Variants in CCHCR1 observed in about 807,000 individuals in gnomAD.
The protein encoded by CCHCR1 is HCR (a-helix coiled-coil rod homologue).
A neutral mutation model predicts 114.6 loss-of-function variants in CCHCR1; 91 were observed. The observed-to-expected ratio is 0.79, with a 90% CI of 0.67 to 0.94. The LOEUF (loss-of-function observed/expected upper bound fraction) is 0.94, where lower values mean the gene tolerates loss of function less well. CCHCR1 is among the 40% of genes least tolerant of loss of function. The probability of loss-of-function intolerance (pLI) is 0.00; values close to 1 mark genes in which losing one functional copy is unlikely to be tolerated. For synonymous variants in CCHCR1, 379 were observed against 428.5 expected (o/e 0.88, Z 1.43); for missense variants, 899 against 1,079.9 (o/e 0.83, Z 2.35).
At position 31,154,686 on chromosome 6, in the gene CCHCR1, G is replaced by A. The variant is rs369082621; in HGVS notation, c.611C>T (p.Ser204Leu). The A allele has an allele frequency of 2.7e-5, 44 of 1,610,568 alleles. 1 individual carries two copies. The highest frequency in any genetic ancestry group is 1.8e-4 in the East Asian group (8 of 44,902). ...EEEVRLLRET[S>L]LQQKMRLEAQ... Reference sequence around the variant, plus strand: ...CTCTAGCCTCATCTTCTGCTGCAGCGAGGTCTCCCGCAGGAGCCGGACCTC... The same window carrying A: ...CTCTAGCCTCATCTTCTGCTGCAGCAAGGTCTCCCGCAGGAGCCGGACCTC... The change falls in exon 4 of 18, where the codon TCG (serine) becomes TTG (leucine). Residue 204 changes from serine (S) to leucine (L), a missense_variant. Transcript: ENST00000396268. The surrounding 1 kb of genome is among the most constrained non-coding windows in gnomAD (Gnocchi z 4.1).
chr6:31,153,072 G>A (rs1775479860), intron 4 of CCHCR1, among the ~76,000 whole-genome samples: 1 of 152,142 alleles, frequency 6.6e-6, no homozygotes, highest in Non-Finnish European at 1.5e-5. Flanking sequence ...CTGTCTCCCA[G>A]GTTCAAGCAA....
In CCHCR1 at chr6:31,154,920, G is replaced by A; in HGVS notation, c.498-121C>T. ...TCTGCTTCCGTGTGGGGAGGTGAAG[G>A]GGGTGCTGAAGCTGGGGTATGGGGA... On this transcript the variant is annotated intron_variant, in intron 3 of 17. Transcript: ENST00000396268. This position sits in a 1 kb window ranked among gnomAD's most constrained non-coding sequence, Gnocchi z 4.1. 1.1e-6 allele frequency: 1 copy of A among 905,382 alleles called. No individual in the cohort carries two copies. The allele number at this position is 905,382 out of a possible 1,614,324, so 56.1% of individuals were successfully genotyped here.
rs1442392954 is a variant in CCHCR1 at position 31,154,724 on chromosome 6, C to T, written c.573G>A (p.Arg191=). The change falls in exon 4 of 18, where the codon CGG becomes CGA. Residue 191 remains arginine (R), a synonymous_variant. Transcript: ENST00000396268. The surrounding 1 kb of genome is among the most constrained non-coding windows in gnomAD (Gnocchi z 4.1). ...GGAGCCGGACCTCCTCCTCCAGCCG[C>T]CGCAGCTCTTGCAGCTGCCGAACGA... ...EVIVRQLQEL[R]RLEEEVRLLR... 6.2e-7 allele frequency: 1 copy of T among 1,608,544 alleles called. No homozygotes were observed. Among genetic ancestry groups the T allele is most frequent in the Non-Finnish European group, 8.5e-7 (1 of 1,179,762 alleles).
intron 17 of CCHCR1, 58 bp downstream of exon 17, chr6:31,142,905 G>A (rs1383219827): frequency 1.3e-6 from 2 of 1,563,682 alleles, no homozygotes; most frequent in African/African-American, 1.4e-5. Context: ...AGAGTCTGAA[G>A]AGGAGATTCC....
In CCHCR1 at chr6:31,151,486, G is replaced by A. The variant is rs376292850; in HGVS notation, c.802-364C>T. Among the ~76,000 whole-genome samples, 10 of 152,212 alleles carry A rather than the reference G, an allele frequency of 6.6e-5. No individual in the cohort carries two copies. In the South Asian group the frequency reaches 1.0e-3, roughly 16 times the overall value. ...TCCACACCTGCAGGCCAGGGGACCC[G>A]GCCTCTGCCTACCTCCTGAGCTCAC... On this transcript the variant is annotated intron_variant, in intron 4 of 17. Transcript: ENST00000396268. The surrounding 1 kb of genome is among the most constrained non-coding windows in gnomAD (Gnocchi z 4.1).
rs141323493 is a variant in CCHCR1 at position 31,145,292 on chromosome 6, G to T, written c.1750C>A (p.Pro584Thr). 2.2e-5 allele frequency: 35 copies of T among 1,613,880 alleles called. No individual in the cohort carries two copies. Among genetic ancestry groups the T allele is most frequent in the Non-Finnish European group, 2.7e-5 (32 of 1,179,946 alleles). The change falls in exon 13 of 18, where the codon CCA becomes ACA. Residue 584 changes from proline to threonine, a missense_variant. By Grantham distance (38) the Pro-to-Thr change is conservative. Transcript: ENST00000396268. ...AGGCTCACGTCTGTGACCGGTGGTG[G>T]TAGGGGACAGCTGGGACGGGGAAGA... ...AQLRQESCPL[P>T]PPVTDVSLEL... is the part of the protein sequence containing the mutation.
rs545414414 is a variant in CCHCR1 at position 31,157,616 on chromosome 6, C to G, written c.-16G>C. ...GTGGCCACATGCAGGGCTAGACCCT[C>G]CCCAAGACCTTGGGAATCCAGGCCG... On this transcript the variant is annotated 5_prime_UTR_variant, in exon 1 of 18. Coordinates refer to ENST00000396268, the MANE Select transcript of CCHCR1 (RefSeq NM_001105564.2). 6 of 1,595,306 alleles carry G rather than the reference C, an allele frequency of 3.8e-6. No homozygotes were observed. In the Admixed American group the frequency reaches 7.0e-5, roughly 19 times the overall value.
In CCHCR1 at chr6:31,144,935, G is replaced by A. The variant is rs1270261429; in HGVS notation, c.2015C>T (p.Ala672Val). The A allele has an allele frequency of 1.2e-6, 2 of 1,612,588 alleles. No homozygotes were observed. Among genetic ancestry groups the A allele is most frequent in the East Asian group, 2.2e-5 (1 of 44,866 alleles). The change falls in exon 14 of 18, where the codon GCT becomes GTT. Residue 672 changes from alanine (A) to valine (V), a missense_variant. By Grantham distance (64) the Ala-to-Val change is moderately conservative. Coordinates refer to ENST00000396268, the MANE Select transcript of CCHCR1 (RefSeq NM_001105564.2). This position sits in a 1 kb window ranked among gnomAD's most constrained non-coding sequence, Gnocchi z 4.6. ...GGTCAGCTCCTGCCGCAGACTGGCA[G>A]CCTCCTCTGTGCTCTCCTGCTGGCC... is the stretch of plus-strand genomic sequence containing the variant. ...RQGQQESTEE[A>V]ASLRQELTQQ...
chr6:31,148,188 C>T (rs17197024), intron 10 of CCHCR1, among the ~76,000 whole-genome samples: 10,160 of 152,210 alleles, frequency 0.067, 492 homozygotes, highest in African/African-American at 0.14. Flanking sequence ...AAACATGCAA[C>T]GGGAAATTCA....
In CCHCR1 at chr6:31,144,648, T is replaced by C. The variant is rs2150997248; in HGVS notation, c.2167+39A>G. ...AATAACCTTATGTCTTAACACTTCCTTCTTCCTGGAAGGCCCTATCCACCC... is the reference window on the plus strand; with the variant it reads ...AATAACCTTATGTCTTAACACTTCCCTCTTCCTGGAAGGCCCTATCCACCC... On this transcript the variant is annotated intron_variant, in intron 15 of 17. Coordinates refer to ENST00000396268, the MANE Select transcript of CCHCR1 (RefSeq NM_001105564.2). The surrounding 1 kb of genome is among the most constrained non-coding windows in gnomAD (Gnocchi z 4.6). 7.6e-7 allele frequency: 1 copy of C among 1,315,554 alleles called. No individual in the cohort carries two copies. The highest frequency in any genetic ancestry group is 1.1e-6 in the Non-Finnish European group (1 of 924,526). 81.5% of individuals were successfully genotyped at this position (1,315,554 alleles called of 1,614,324 possible).
rs1340002610 is a variant in CCHCR1, at chr6:31,143,061, AG to A, written c.2392del (p.Leu798TrpfsTer22). The A allele has an allele frequency of 6.2e-7, 1 of 1,612,976 alleles. No homozygotes were observed. Among genetic ancestry groups the A allele is most frequent in the Admixed American group, 1.7e-5 (1 of 60,018 alleles). ...GGACACCACAGATTTCTTCTTATCCAGTAGGGAAGGAAGAACTGTCAACAGT... is the reference window on the plus strand; with the variant it reads ...GGACACCACAGATTTCTTCTTATCCATAGGGAAGGAAGAACTGTCAACAGT... ...QRLLTVLPSL[L>X]DKKKSVVSSP... On this transcript the variant is annotated frameshift_variant, in exon 17 of 18. Transcript: ENST00000396268. LOFTEE classifies it high-confidence loss of function. The surrounding 1 kb of genome is among the most constrained non-coding windows in gnomAD (Gnocchi z 5.3).
chr6:31,145,287 T>C lies in CCHCR1; in HGVS notation c.1755A>G (p.Pro585=). Reference sequence around the variant, plus strand: ...ACTCAAGGCTCACGTCTGTGACCGGTGGTGGTAGGGGACAGCTGGGACGGG... The same window carrying C: ...ACTCAAGGCTCACGTCTGTGACCGGCGGTGGTAGGGGACAGCTGGGACGGG... ...QLRQESCPLP[P]PVTDVSLELQ... is the part of the protein sequence containing the mutation. The change falls in exon 13 of 18, where the codon CCA becomes CCG. Residue 585 remains proline, a synonymous_variant. Transcript: ENST00000396268. 6.2e-7 allele frequency: 1 copy of C among 1,613,936 alleles called. No homozygotes were observed. The highest frequency in any genetic ancestry group is 8.5e-7 in the Non-Finnish European group (1 of 1,179,932).
In CCHCR1 at chr6:31,150,592, T is replaced by C; in HGVS notation, c.1102-27A>G. 4 of 1,601,034 alleles carry C rather than the reference T, an allele frequency of 2.5e-6. No homozygotes were observed. Among genetic ancestry groups the C allele is most frequent in the Non-Finnish European group, 3.4e-6 (4 of 1,171,976 alleles). On this transcript the variant is annotated intron_variant, in intron 6 of 17. Coordinates refer to ENST00000396268, the MANE Select transcript of CCHCR1 (RefSeq NM_001105564.2). This position sits in a 1 kb window ranked among gnomAD's most constrained non-coding sequence, Gnocchi z 5.3. ...TGCGGGCAGAGGAAAGCAGCCCCTC[T>C]GTAGGGCCTCCATGCCGCCTTAGGT...
intron 10 of CCHCR1, among the ~76,000 whole-genome samples, chr6:31,146,931 A>C (rs996363968): frequency 3.3e-5 from 5 of 152,208 alleles, no homozygotes; most frequent in African/African-American, 1.2e-4. Context: ...GAAATTTTTC[A>C]TAATTTTTAA....
At chr6:31,147,354 C>G (rs1774478625) in intron 10 of CCHCR1, among the ~76,000 whole-genome samples, 1 of 143,664 alleles carries the variant, frequency 7.0e-6, no homozygotes, top group South Asian at 2.2e-4. Flanking sequence ...GAGCTGAGAT[C>G]GTGCCATTGC....
rs1239168208 is a variant in CCHCR1, at chr6:31,148,398, C to T, written c.1580+7G>A. On this transcript the variant is annotated splice_region_variant and intron_variant, in intron 10 of 17. Transcript: ENST00000396268. ...CACTACTCCACCCACCCCTCCATCC[C>T]TGATACCTGCTGACAGCATTGACCA... 6.4e-7 allele frequency: 1 copy of T among 1,554,686 alleles called. No individual in the cohort carries two copies.
At position 31,155,658 on chromosome 6, in the gene CCHCR1, C is replaced by T. The variant is rs569702981; in HGVS notation, c.498-859G>A. 6.6e-4 allele frequency among the ~76,000 whole-genome samples: 100 copies of T among 150,522 alleles called. 1 individual carries two copies. Among genetic ancestry groups the T allele is most frequent in the Admixed American group, 1.3e-3 (20 of 15,076 alleles). On this transcript the variant is annotated intron_variant, in intron 3 of 17. Coordinates refer to ENST00000396268, the MANE Select transcript of CCHCR1 (RefSeq NM_001105564.2). ...ATACTTTATGAGGAGTCTGAGAGAA[C>T]AGTACATAAATAACACAGTGCCAGC... is the stretch of plus-strand genomic sequence containing the variant.
rs1305513293 is a variant in CCHCR1, at chr6:31,150,640, G to C, written c.1102-75C>G. The C allele has an allele frequency of 1.9e-6, 3 of 1,588,758 alleles. No homozygotes were observed. Among genetic ancestry groups the C allele is most frequent in the South Asian group, 2.3e-5 (2 of 88,632 alleles). On this transcript the variant is annotated intron_variant, in intron 6 of 17. Transcript: ENST00000396268. The surrounding 1 kb of genome is among the most constrained non-coding windows in gnomAD (Gnocchi z 5.3). Reference sequence around the variant, plus strand: ...GGTACCACCTTCTCTCCCGGAGGCTGTGCTCTACACGCTCCTCCAAGGGCC... The same window carrying C: ...GGTACCACCTTCTCTCCCGGAGGCTCTGCTCTACACGCTCCTCCAAGGGCC...
Position 31,150,971 on chromosome 6 carries a change from C to T in CCHCR1, c.953G>A (p.Arg318Gln), listed in dbSNP as rs763627909. 20 of 1,612,632 alleles carry T rather than the reference C, an allele frequency of 1.2e-5. No homozygotes were observed. The highest frequency in any genetic ancestry group is 1.5e-5 in the Non-Finnish European group (18 of 1,179,956). Residue 318 changes from arginine to glutamine, a missense_variant, in exon 5 of 18, where the codon CGG (arginine) becomes CAG (glutamine). Arg to Gln is a conservative substitution (Grantham distance 43). Coordinates refer to ENST00000396268, the MANE Select transcript of CCHCR1 (RefSeq NM_001105564.2). The surrounding 1 kb of genome is among the most constrained non-coding windows in gnomAD (Gnocchi z 5.3). ...TCCGCCCACCTACCTCAGCTGCTTCCGAAGCAGCTCGGCCTCCCTCTGAGC... is the reference window on the plus strand; with the variant it reads ...TCCGCCCACCTACCTCAGCTGCTTCTGAAGCAGCTCGGCCTCCCTCTGAGC... The part of the protein sequence containing the change: ...AEAQREAELL[R>Q]KQLSKTQEDL...
Sources: allele counts gnomAD v4.1 joint callset (sites outside exome capture counted in the v4.1 genomes callset), GRCh38; gene constraint gnomAD v4.1.1; non-coding constraint Gnocchi (gnomAD v3.1); transcripts MANE v1.5; gene names NCBI Gene and HGNC (gene_info 2026-07-23, HGNC 2026-07-21).